The following KIF20B variants were observed in gnomAD, a reference collection of about 807,000 sequenced individuals.
KIF20B encodes kinesin-like protein KIF20B.
Under a neutral mutation model 232.5 loss-of-function variants are expected in KIF20B, and 188 were observed. The observed-to-expected ratio is 0.81, with a 90% CI of 0.72 to 0.91. KIF20B has a LOEUF of 0.91. Among genes scored for constraint, KIF20B ranks in the 40% least tolerant of loss-of-function variants. The pLI, the probability that KIF20B is intolerant of heterozygous loss-of-function variation, is 0.00. For missense variants in KIF20B, 2,154 were observed against 2,055.9 expected (o/e 1.05, Z -0.92); for synonymous variants, 712 against 683.0 (o/e 1.04, Z -0.66).
rs757378200 is a variant in KIF20B, at chr10:89,754,606, T to C, written c.4436T>C (p.Ile1479Thr). 1.6e-5 allele frequency: 26 copies of C among 1,605,932 alleles called. No individual in the cohort carries two copies. Among genetic ancestry groups the C allele is most frequent in the Non-Finnish European group, 2.1e-5 (25 of 1,176,356 alleles). Residue 1479 changes from isoleucine (I) to threonine (T), a missense_variant, in exon 26 of 33, where the codon ATA (isoleucine) becomes ACA (threonine). By Grantham distance (89) the Ile-to-Thr change is moderately conservative (BLOSUM62 -1). Coordinates refer to ENST00000371728, the MANE Select transcript of KIF20B (RefSeq NM_001284259.2). Reference sequence around the variant, plus strand: ...ACTCAAGCGAAAGAAGCAGAGAATATACGAAATAAAGAGATGAAAAAATAT... The same window carrying C: ...ACTCAAGCGAAAGAAGCAGAGAATACACGAAATAAAGAGATGAAAAAATAT... ...LITQAKEAEN[I>T]RNKEMKKYAE...
rs756715290 is a variant in KIF20B at position 89,717,486 on chromosome 10, G to A, written c.1115G>A (p.Arg372Gln). 9.4e-6 allele frequency: 15 copies of A among 1,595,640 alleles called. No individual in the cohort carries two copies. Among genetic ancestry groups the A allele is most frequent in the Admixed American group, 6.7e-5 (4 of 59,644 alleles). Residue 372 changes from arginine (R) to glutamine (Q), a missense_variant, in exon 10 of 33, where the codon CGA becomes CAA. Arg to Gln is a conservative substitution (Grantham distance 43). Coordinates refer to ENST00000371728, the MANE Select transcript of KIF20B (RefSeq NM_001284259.2). ...IEDSEMSRVIRVSELSLCDLA... is the reference protein window; with the variant it reads ...IEDSEMSRVIQVSELSLCDLA... ...GATTCTGAAATGTCTCGTGTAATTC[G>A]AGTCAGTGAGTAAGTTGAATATTCT...
Position 89,703,755 on chromosome 10 carries a change from CT to C in KIF20B, c.-1-1521del, listed in dbSNP as rs68124594. 9.5e-3 allele frequency among the ~76,000 whole-genome samples: 1,304 copies of C among 137,440 alleles called. 9 individuals carry two copies. Among genetic ancestry groups the C allele is most frequent in the African/African-American group, 0.022 (807 of 36,776 alleles). The allele number at this position is 137,440 out of a possible 152,430, so 90.2% of individuals were successfully genotyped here. A position where few individuals can be genotyped will look rare whatever the true frequency, so the allele number is the denominator to read the frequency against. ...CTTTGGCGCCCCAGCAGGCTTTTCC[CT>C]TTTTTTTTTTTTTTTTTGACGCAGT... On this transcript the variant is annotated intron_variant, in intron 1 of 32. Transcript: ENST00000371728.
Position 89,713,138 on chromosome 10 carries a change from TC to T in KIF20B, c.676-908del, listed in dbSNP as rs994220943. ...ACTTTGGGAGACTGAAGCAGGCTGA[TC>T]ACTTGAGGCCAGGAGTTGGAGACTA... On this transcript the variant is annotated intron_variant, in intron 6 of 32. Transcript: ENST00000371728. Among the ~76,000 whole-genome samples, 124 of 152,228 alleles carry T rather than the reference TC, an allele frequency of 8.1e-4. 1 individual carries two copies. The highest frequency in any genetic ancestry group is 2.6e-3 in the African/African-American group (110 of 41,540).
At chr10:89,767,606 G>A (rs1365117611) in intron 29 of KIF20B, among the ~76,000 whole-genome samples, 1 of 151,978 alleles carries the variant, frequency 6.6e-6, no homozygotes, top group East Asian at 1.9e-4. Flanking sequence ...AGGATTTGCA[G>A]CAGTTCAAGT....
chr10:89,752,501 A>G (rs780655904), intron 24 of KIF20B, 66 bp from the exon 25 acceptor site: 8 of 1,207,150 alleles, frequency 6.6e-6, no homozygotes, highest in Non-Finnish European at 9.0e-6. Flanking sequence ...GCCCATGTCA[A>G]GTGTATCTCT....
chr10:89,749,346 C>G (rs1232458935), intron 23 of KIF20B, among the ~76,000 whole-genome samples: 1 of 152,130 alleles, frequency 6.6e-6, no homozygotes, highest in African/African-American at 2.4e-5. Context: ...ACTTACCTAT[C>G]TTTAATATTG....
intron 6 of KIF20B, among the ~76,000 whole-genome samples, chr10:89,711,413 A>G (rs1040645990): frequency 3.3e-5 from 5 of 152,158 alleles, no homozygotes; most frequent in African/African-American, 1.2e-4. Context: ...TTTTTATGTA[A>G]TGATTTTTTA....
intron 18 of KIF20B, among the ~76,000 whole-genome samples, chr10:89,730,974 T>C (rs1213053377): frequency 6.7e-6 from 1 of 148,182 alleles, no homozygotes; most frequent in Non-Finnish European, 1.5e-5. Context: ...CGATTTACGG[T>C]AGTAGTAGTA....
chr10:89,745,728 T>C (rs1198349160), intron 22 of KIF20B, among the ~76,000 whole-genome samples, 171 bp from the exon 23 acceptor site: 1 of 152,006 alleles, frequency 6.6e-6, no homozygotes, highest in African/African-American at 2.4e-5. Context: ...CACCCTACCC[T>C]TTTCTCCAAG....
intron 21 of KIF20B, among the ~76,000 whole-genome samples, chr10:89,740,660 A>C (rs1048621503): frequency 4.6e-5 from 7 of 151,892 alleles, no homozygotes; most frequent in African/African-American, 1.7e-4. Flanking sequence ...CTTTTTTCTA[A>C]GTTTATTTAT....
At chr10:89,745,568 GTT>G (rs78446026) in intron 22 of KIF20B, among the ~76,000 whole-genome samples, 1 of 151,046 alleles carries the variant, frequency 6.6e-6, no homozygotes, top group Non-Finnish European at 1.5e-5. Context: ...CATATAAAGT[GTT>G]TTTTTTTAAT....
At chr10:89,753,907 C>A (rs972736099) in intron 25 of KIF20B, among the ~76,000 whole-genome samples, 1 of 151,988 alleles carries the variant, frequency 6.6e-6, no homozygotes, top group Non-Finnish European at 1.5e-5. Flanking sequence ...CGTGAGCCAC[C>A]GCACCCAGCC....
At chr10:89,736,363 A>G (rs1010228345) in intron 19 of KIF20B, among the ~76,000 whole-genome samples, 1 of 151,412 alleles carries the variant, frequency 6.6e-6, no homozygotes, top group Admixed American at 6.6e-5. Flanking sequence ...GGAATCTATG[A>G]GGAAAGTTTA....
chr10:89,767,042 GATTGTTGTAGAT>G (rs1842376529), intron 29 of KIF20B, among the ~76,000 whole-genome samples: 1 of 151,654 alleles, frequency 6.6e-6, no homozygotes, highest in Admixed American at 6.6e-5. Context: ...AAGATTTACA[GATTGTTGTAGAT>G]ACATCATGTA....
intron 26 of KIF20B, among the ~76,000 whole-genome samples, chr10:89,758,040 GTTC>G (rs1842166535): frequency 1.3e-5 from 2 of 151,720 alleles, no homozygotes; most frequent in Non-Finnish European, 2.9e-5. Context: ...CTGTCATTTT[GTTC>G]TTCATTTTCA....
chr10:89,758,612 T>C (rs750510115), intron 26 of KIF20B, 94 bp from the exon 27 acceptor site: 37 of 761,572 alleles, frequency 4.9e-5, no homozygotes, highest in Non-Finnish European at 7.1e-5. Context: ...TGTTTGCAGC[T>C]ATATTTATGG....
intron 18 of KIF20B, among the ~76,000 whole-genome samples, chr10:89,731,888 CA>C (rs753228479): frequency 4.6e-5 from 7 of 152,102 alleles, no homozygotes; most frequent in Non-Finnish European, 1.0e-4. Flanking sequence ...TTAAATAACC[CA>C]TTACTTTATG....
At chr10:89,750,166 A>G (rs1841994478) in intron 23 of KIF20B, among the ~76,000 whole-genome samples, 1 of 152,120 alleles carries the variant, frequency 6.6e-6, no homozygotes, top group South Asian at 2.1e-4. Flanking sequence ...ATAATAGGTG[A>G]GTAGCCATTA....
intron 29 of KIF20B, among the ~76,000 whole-genome samples, chr10:89,766,733 A>C (rs536720046): frequency 6.6e-6 from 1 of 152,240 alleles, no homozygotes; most frequent in South Asian, 2.1e-4. Context: ...TATACTCCTG[A>C]GGCTCTCTGT....
Sources: allele counts gnomAD v4.1 joint callset (sites outside exome capture counted in the v4.1 genomes callset), GRCh38; gene constraint gnomAD v4.1.1; transcripts MANE v1.5; gene names NCBI Gene and HGNC (gene_info 2026-07-23, HGNC 2026-07-21).